KIN: variants seen among roughly 807,000 people sequenced by gnomAD.
KIN encodes the protein Kin17 DNA and RNA binding protein, also known as DNA/RNA-binding protein KIN17.
Under a neutral mutation model 63.0 loss-of-function variants are expected in KIN, and 47 were observed. The observed-to-expected ratio is 0.75, with a 90% CI of 0.59 to 0.95. The LOEUF (loss-of-function observed/expected upper bound fraction) is 0.95, where lower values mean the gene tolerates loss of function less well. Among genes scored for constraint, KIN ranks in the 40% least tolerant of loss-of-function variants. The probability of loss-of-function intolerance (pLI) is 0.00; values close to 1 mark genes in which losing one functional copy is unlikely to be tolerated. For synonymous variants in KIN, 160 were observed against 157.7 expected (o/e 1.01, Z -0.11); for missense variants, 408 against 460.9 (o/e 0.89, Z 1.05).
At chr10:7,764,200 C>T (rs925099808) in intron 9 of KIN, among the ~76,000 whole-genome samples, 4 of 152,164 alleles carry the variant, frequency 2.6e-5, no homozygotes, top group African/African-American at 9.7e-5. Flanking sequence ...GCAAGAGACT[C>T]ACTGGAAATT....
rs1424215479 is a variant in KIN at position 7,754,057 on chromosome 10, T to C, written c.*2023A>G. The stretch of plus-strand genomic sequence containing the variant: ...GTAGAAGATCAACTCAGGCAAGGCG[T>C]GGTAGCTCACACCTGTAATCACAAC... On this transcript the variant is annotated 3_prime_UTR_variant, in exon 13 of 13. Transcript: ENST00000379562. 1 of 456,006 alleles carries C rather than the reference T, an allele frequency of 2.2e-6. No individual in the cohort carries two copies. The highest frequency in any genetic ancestry group is 6.9e-5 in the East Asian group (1 of 14,400). The allele number at this position is 456,006 out of a possible 1,614,324, so 28.2% of individuals were successfully genotyped here. A position where few individuals can be genotyped will look rare whatever the true frequency, so the allele number is the denominator to read the frequency against.
At chr10:7,784,917 C>T (rs1835967927) in intron 1 of KIN, among the ~76,000 whole-genome samples, 1 of 152,114 alleles carries the variant, frequency 6.6e-6, no homozygotes, top group African/African-American at 2.4e-5. Flanking sequence ...TATTGGCTTC[C>T]TTATATGATG....
chr10:7,771,144 G>A (rs975590210), intron 7 of KIN, among the ~76,000 whole-genome samples: 2 of 56,420 alleles, frequency 3.5e-5, no homozygotes, highest in African/African-American at 1.2e-4. Flanking sequence ...CCAAATCCAC[G>A]TAAGATAAGC....
chr10:7,766,705 T>C (rs1835550635), intron 8 of KIN, among the ~76,000 whole-genome samples: 2 of 152,244 alleles, frequency 1.3e-5, no homozygotes, highest in South Asian at 2.1e-4. Flanking sequence ...GATCAAACAA[T>C]GTAATAATCC....
rs920830764 is a variant in KIN at position 7,754,208 on chromosome 10, G to A, written c.*1872C>T. The A allele has an allele frequency of 2.0e-5, 8 of 405,750 alleles. No individual in the cohort carries two copies. The highest frequency in any genetic ancestry group is 4.1e-5 in the African/African-American group (2 of 48,572). 25.1% of individuals were successfully genotyped at this position (405,750 alleles called of 1,614,324 possible). ...TAGCCAGGCATGGTAGTGCATGCCT[G>A]TAGTCCCAGCTACTCGGGAGGCTGA... On this transcript the variant is annotated 3_prime_UTR_variant, in exon 13 of 13. Coordinates refer to ENST00000379562, the MANE Select transcript of KIN (RefSeq NM_012311.4).
At chr10:7,786,228 C>G (rs1049012284) in intron 1 of KIN, among the ~76,000 whole-genome samples, 2 of 152,086 alleles carry the variant, frequency 1.3e-5, no homozygotes, top group Non-Finnish European at 2.9e-5. Flanking sequence ...TGGAGGACAA[C>G]TGAGGAAGTG....
At chr10:7,774,922 C>T (rs1467735485) in intron 6 of KIN, 31 bp from the exon 7 acceptor site, 4 of 1,493,236 alleles carry the variant, frequency 2.7e-6, no homozygotes, top group Admixed American at 1.7e-5. Flanking sequence ...TCCATACATA[C>T]ATTTCAAGAA....
At chr10:7,778,711 C>A (rs985708968) in intron 5 of KIN, 127 bp downstream of exon 5, 27 of 977,588 alleles carry the variant, frequency 2.8e-5, no homozygotes, top group Middle Eastern at 2.4e-4. Flanking sequence ...TGCACTCCAG[C>A]CTGGGCGGCA....
chr10:7,767,274 C>T (rs962320401), intron 8 of KIN, among the ~76,000 whole-genome samples: 2 of 152,092 alleles, frequency 1.3e-5, no homozygotes, highest in Non-Finnish European at 2.9e-5. Context: ...GATGCTTGAT[C>T]GTTCCTGTCT....
In KIN at chr10:7,781,587, T is replaced by TCTACACACACACACACACACACACACAC. The variant is rs71515486; in HGVS notation, c.210-1281_210-1280insGTGTGTGTGTGTGTGTGTGTGTGTGTAG. ...GGGCAACAAAGTGAGACCCTGTCTC[T>TCTACACACACACACACACACACACACAC]ACACACACACACACACACACACACA... is the stretch of plus-strand genomic sequence containing the variant. On this transcript the variant is annotated intron_variant, in intron 2 of 12. Transcript: ENST00000379562. Among the ~76,000 whole-genome samples, 891 of 140,650 alleles carry TCTACACACACACACACACACACACACAC rather than the reference T, an allele frequency of 6.3e-3. 16 individuals carry two copies. The highest frequency in any genetic ancestry group is 0.023 in the African/African-American group (841 of 36,342). The allele number at this position is 140,650 out of a possible 152,430, so 92.3% of individuals were successfully genotyped here. A position where few individuals can be genotyped will look rare whatever the true frequency, so the allele number is the denominator to read the frequency against.
chr10:7,762,606 C>T (rs373271568), intron 10 of KIN, 50 bp from the exon 11 acceptor site: 5 of 999,314 alleles, frequency 5.0e-6, no homozygotes, highest in African/African-American at 3.2e-5. Context: ...TGTGCACACT[C>T]ATTTAAAAGG....
intron 7 of KIN, among the ~76,000 whole-genome samples, chr10:7,770,458 G>A (rs1471664430): frequency 1.3e-5 from 2 of 152,074 alleles, no homozygotes; most frequent in African/African-American, 4.8e-5. Flanking sequence ...AATTCTTTAA[G>A]GTCCATTCAT....
At chr10:7,764,697 T>C (rs1056855101) in intron 9 of KIN, among the ~76,000 whole-genome samples, 1 of 152,246 alleles carries the variant, frequency 6.6e-6, no homozygotes, top group Non-Finnish European at 1.5e-5. Context: ...AGCCAATTAA[T>C]GCCAAAACAA....
In KIN at chr10:7,768,503, C is replaced by A. The variant is rs184176592; in HGVS notation, c.798+713G>T. ...GCCACTGCACTCTGTCTGGCCTGGG[C>A]AACAGAGAGAGACTGTCTCAACAAC... On this transcript the variant is annotated intron_variant, in intron 8 of 12. Coordinates refer to ENST00000379562, the MANE Select transcript of KIN (RefSeq NM_012311.4). 3.4e-4 allele frequency among the ~76,000 whole-genome samples: 51 copies of A among 151,088 alleles called. No individual in the cohort carries two copies. In the East Asian group the frequency reaches 9.1e-3, roughly 27 times the overall value.
At chr10:7,768,412 C>T (rs749040639) in intron 8 of KIN, among the ~76,000 whole-genome samples, 9 of 151,592 alleles carry the variant, frequency 5.9e-5, no homozygotes, top group Non-Finnish European at 1.3e-4. Flanking sequence ...CCCAGCTACT[C>T]GGGGAGGCTG....
intron 5 of KIN, 97 bp downstream of exon 5, chr10:7,778,741 A>AAGCAAC: frequency 8.2e-7 from 1 of 1,221,700 alleles, no homozygotes; most frequent in South Asian, 1.5e-5. Context: ...TCCATCTCCA[A>AAGCAAC]AACAACAACA....
At chr10:7,787,543 G>A (rs899417575) in intron 1 of KIN, among the ~76,000 whole-genome samples, 1 of 152,222 alleles carries the variant, frequency 6.6e-6, no homozygotes. Context: ...CCTGTGAGGG[G>A]TGCAAAACCT....
chr10:7,767,160 C>T (rs931843574), intron 8 of KIN, among the ~76,000 whole-genome samples: 2 of 152,256 alleles, frequency 1.3e-5, no homozygotes, highest in Non-Finnish European at 2.9e-5. Context: ...TTAAAAATCC[C>T]TGTCACAGCA....
intron 1 of KIN, among the ~76,000 whole-genome samples, chr10:7,786,794 T>C (rs1226445271): frequency 2.0e-5 from 3 of 152,200 alleles, no homozygotes; most frequent in Non-Finnish European, 4.4e-5. Context: ...TCTACTGCAC[T>C]TTATATGGCA....
Sources: gnomAD v4.1 joint callset for allele counts (sites outside exome capture counted in the v4.1 genomes callset) on GRCh38, gnomAD v4.1.1 for gene constraint, MANE v1.5 for transcripts, NCBI Gene and HGNC (gene_info 2026-07-23, HGNC 2026-07-21) for gene names.